The following GPBP1 variants were observed in gnomAD, a reference collection of about 807,000 sequenced individuals.
GPBP1 encodes the protein vasculin.
In GPBP1, 13 loss-of-function variants were observed where a neutral mutation model predicts 56.5. The ratio of observed to expected loss-of-function variants is 0.23; its 90% confidence interval spans 0.15 to 0.37. The LOEUF (loss-of-function observed/expected upper bound fraction) is 0.37. Ranked by LOEUF, GPBP1 falls within the 10% of genes least tolerant of loss-of-function variation. The pLI is 1.00. For synonymous variants in GPBP1, 204 were observed against 188.9 expected (o/e 1.08, Z -0.66); for missense variants, 477 against 572.3 (o/e 0.83, Z 1.70).
intron 9 of GPBP1, 58 bp downstream of exon 9, chr5:57,249,634 G>A (rs1169300375): frequency 1.0e-5 from 14 of 1,396,370 alleles, no homozygotes; most frequent in East Asian, 9.2e-5. Context: ...AAATATTTGA[G>A]CATGTATTAG....
chr5:57,244,727 A>ATTTTTTTTTTTTTTTT (rs532660984), intron 6 of GPBP1, among the ~76,000 whole-genome samples: 1 of 93,168 alleles, frequency 1.1e-5, no homozygotes, highest in Non-Finnish European at 2.0e-5. Context: ...TTTGTTTGAG[A>ATTTTTTTTTTTTTTTT]TTTTTTTTTT....
intron 5 of GPBP1, among the ~76,000 whole-genome samples, chr5:57,234,265 T>A (rs1262765027): frequency 1.3e-5 from 2 of 152,310 alleles, no homozygotes; most frequent in East Asian, 1.9e-4. Context: ...AAATACCTGA[T>A]AGAATACTGG....
At position 57,219,420 on chromosome 5, in the gene GPBP1, A is replaced by C. The variant is rs1387111381; in HGVS notation, c.63+5227A>C. 1.6e-3 allele frequency among the ~76,000 whole-genome samples: 31 copies of C among 19,044 alleles called. 1 individual carries two copies. The highest frequency in any genetic ancestry group is 0.015 in the Middle Eastern group (1 of 66). The allele number at this position is 19,044 out of a possible 152,430, so 12.5% of individuals were successfully genotyped here. On this transcript the variant is annotated intron_variant, in intron 3 of 11. Coordinates refer to ENST00000506184, the MANE Select transcript of GPBP1 (RefSeq NM_022913.4). ...AAAAAAAAACCAAAAACAAACAAAC[A>C]AAAAAAAAAACAACAAAACCACACA...
At chr5:57,262,498 G>A in intron 11 of GPBP1, 96 bp from the exon 12 acceptor site, 1 of 942,712 alleles carries the variant, frequency 1.1e-6, no homozygotes, top group Non-Finnish European at 1.6e-6. Flanking sequence ...TAGTTTTTGG[G>A]TTAGGATACA....
At chr5:57,218,585 C>T (rs113725277) in intron 3 of GPBP1, among the ~76,000 whole-genome samples, 10 of 152,088 alleles carry the variant, frequency 6.6e-5, no homozygotes, top group Non-Finnish European at 1.2e-4. Flanking sequence ...ACCCTCTAAT[C>T]ACTTGATTTT....
Position 57,178,343 on chromosome 5 carries a change from G to GTTCA in GPBP1, c.-58+1944_-58+1947dup, listed in dbSNP as rs1753889245. Among the ~76,000 whole-genome samples the GTTCA allele has an allele frequency of 2.6e-5, 4 of 152,124 alleles. No homozygotes were observed. In the South Asian group the frequency reaches 8.3e-4, roughly 31 times the overall value. On this transcript the variant is annotated intron_variant, in intron 2 of 11. Transcript: ENST00000506184. ...GCTCACTGCAACCTCCGCCTCCTGG[G>GTTCA]TTCAAGCGATTCTGCCTCAGCCTCG...
intron 2 of GPBP1, among the ~76,000 whole-genome samples, chr5:57,193,150 C>T (rs941093242): frequency 3.9e-5 from 6 of 151,994 alleles, no homozygotes; most frequent in Admixed American, 6.6e-5. Context: ...AACCCTGTCT[C>T]GACTAAAAAT....
intron 11 of GPBP1, 118 bp from the exon 12 acceptor site, chr5:57,262,476 T>C (rs1171100155): frequency 5.4e-6 from 4 of 737,552 alleles, no homozygotes; most frequent in East Asian, 2.7e-5. Context: ...TTCAGAAATA[T>C]CATTACTTGT....
intron 3 of GPBP1, among the ~76,000 whole-genome samples, chr5:57,229,874 T>A (rs1756365197): frequency 6.6e-6 from 1 of 151,822 alleles, no homozygotes; most frequent in Non-Finnish European, 1.5e-5. Context: ...TCATGCATTT[T>A]CTTTTTAGAT....
chr5:57,217,712 A>C lies in GPBP1; in HGVS notation c.63+3519A>C, dbSNP rs1277309484. ...TATGATTAAGAATATGACCATTTTCAGAAAAAGCATATTGACTCTCTTGGG... is the reference window on the plus strand; with the variant it reads ...TATGATTAAGAATATGACCATTTTCCGAAAAAGCATATTGACTCTCTTGGG... On this transcript the variant is annotated intron_variant, in intron 3 of 11. Coordinates refer to ENST00000506184, the MANE Select transcript of GPBP1 (RefSeq NM_022913.4). Among the ~76,000 whole-genome samples, 11 of 151,984 alleles carry C rather than the reference A, an allele frequency of 7.2e-5. 1 individual carries two copies.
intron 2 of GPBP1, among the ~76,000 whole-genome samples, chr5:57,180,786 T>C (rs750472089): frequency 1.3e-5 from 2 of 152,144 alleles, no homozygotes; most frequent in Non-Finnish European, 2.9e-5. Context: ...CTGTCACTCA[T>C]GCTGGAGTGC....
intron 2 of GPBP1, among the ~76,000 whole-genome samples, chr5:57,191,783 A>G (rs938514789): frequency 1.3e-5 from 2 of 151,924 alleles, no homozygotes; most frequent in African/African-American, 4.8e-5. Context: ...GATGGTCTCA[A>G]TCTCTTGACC....
intron 2 of GPBP1, among the ~76,000 whole-genome samples, chr5:57,196,191 C>T (rs1386034315): frequency 1.3e-5 from 2 of 151,852 alleles, no homozygotes; most frequent in East Asian, 3.9e-4. Context: ...TTTGTAGAGC[C>T]AAGGACTCTC....
In GPBP1 at chr5:57,215,889, T is replaced by G. The variant is rs1755679696; in HGVS notation, c.63+1696T>G. Among the ~76,000 whole-genome samples the G allele has an allele frequency of 2.6e-5, 4 of 151,610 alleles. No individual in the cohort carries two copies. The South Asian group carries it at 8.3e-4, about 32-fold the overall frequency. On this transcript the variant is annotated intron_variant, in intron 3 of 11. Transcript: ENST00000506184. ...TCTTCATGGAGAGGAGCCTCTTATT[T>G]TCTCACTACCAGTATCTCCATTGTT...
intron 2 of GPBP1, among the ~76,000 whole-genome samples, chr5:57,198,295 C>A (rs1476433528): frequency 6.6e-6 from 1 of 152,242 alleles, no homozygotes; most frequent in East Asian, 1.9e-4. Flanking sequence ...TCATTTATGT[C>A]ATTCCAAAAA....
chr5:57,181,990 C>T (rs1010963718), intron 2 of GPBP1, among the ~76,000 whole-genome samples: 2 of 152,030 alleles, frequency 1.3e-5, no homozygotes, highest in Non-Finnish European at 2.9e-5. Flanking sequence ...TTTTTATATA[C>T]AAGATATGTC....
intron 9 of GPBP1, 120 bp downstream of exon 9, chr5:57,249,696 T>C: frequency 1.3e-6 from 1 of 778,000 alleles, no homozygotes. Flanking sequence ...TGGAAAGCCA[T>C]TTGCATAAAT....
rs1366535674 is a variant in GPBP1 at position 57,175,582 on chromosome 5, A to G, written c.-876A>G. 2.5e-6 allele frequency: 1 copy of G among 398,074 alleles called. No individual in the cohort carries two copies. The highest frequency in any genetic ancestry group is 2.1e-5 in the African/African-American group (1 of 48,650). 24.7% of individuals were successfully genotyped at this position (398,074 alleles called of 1,614,324 possible). A position where few individuals can be genotyped will look rare whatever the true frequency, so the allele number is the denominator to read the frequency against. ...CAGAAGTTTATTAAAATTGGCAAGAATCGTCTGTGAAGTGAATTGATAGTA... is the reference window on the plus strand; with the variant it reads ...CAGAAGTTTATTAAAATTGGCAAGAGTCGTCTGTGAAGTGAATTGATAGTA... On this transcript the variant is annotated 5_prime_UTR_variant, in exon 2 of 12. Transcript: ENST00000506184.
chr5:57,209,680 TTGAG>T (rs761863960), intron 2 of GPBP1, among the ~76,000 whole-genome samples: 3 of 152,170 alleles, frequency 2.0e-5, no homozygotes, highest in Non-Finnish European at 4.4e-5. Context: ...TTCTAGTTTG[TTGAG>T]TATTTTTATA....
Sources: gnomAD v4.1 joint callset for allele counts (sites outside exome capture counted in the v4.1 genomes callset) on GRCh38, gnomAD v4.1.1 for gene constraint, MANE v1.5 for transcripts, NCBI Gene and HGNC (gene_info 2026-07-23, HGNC 2026-07-21) for gene names.